Variants in ELP4 observed in about 807,000 individuals in gnomAD.
ELP4 encodes the protein elongator complex protein 4.
A neutral mutation model predicts 48.9 loss-of-function variants in ELP4; 51 were observed. The observed-to-expected ratio is 1.04, with a 90% confidence interval of 0.83 to 1.32. The LOEUF is 1.32. Among genes scored for constraint, ELP4 ranks in the 40% most tolerant of loss-of-function variants. The pLI, the probability that ELP4 is intolerant of heterozygous loss-of-function variation, is 0.00. For missense variants in ELP4, 519 were observed against 514.6 expected, an observed-to-expected ratio of 1.01 and a Z score of -0.08; for synonymous variants, 210 against 189.2, an observed-to-expected ratio of 1.11 and a Z score of -0.90.
At chr11:31,754,072 C>T (rs886209160) in intron 9 of ELP4, among the ~76,000 whole-genome samples, 1 of 152,156 alleles carries the variant, frequency 6.6e-6, no homozygotes, top group African/African-American at 2.4e-5. Flanking sequence ...TAAATACACA[C>T]ATGCCCCAAA....
intron 9 of ELP4, among the ~76,000 whole-genome samples, chr11:31,743,220 A>C (rs1240349651): frequency 6.6e-6 from 1 of 152,216 alleles, no homozygotes; most frequent in Non-Finnish European, 1.5e-5. Context: ...ATATGTTCCC[A>C]ATACAGGAGC....
chr11:31,615,405 A>G (rs1396811913), intron 5 of ELP4, among the ~76,000 whole-genome samples: 1 of 152,092 alleles, frequency 6.6e-6, no homozygotes, highest in Non-Finnish European at 1.5e-5. Context: ...AAGAGATAGC[A>G]CTTAGCATAC....
chr11:31,568,845 GA>G (rs141551134), intron 3 of ELP4, among the ~76,000 whole-genome samples: 4,026 of 152,244 alleles, frequency 0.026, 168 homozygotes, highest in African/African-American at 0.091. Context: ...AACACTTTGG[GA>G]GGCTGAGGCA....
intron 9 of ELP4, among the ~76,000 whole-genome samples, chr11:31,686,506 A>G (rs74819888): frequency 0.021 from 3,146 of 152,244 alleles, 105 homozygotes; most frequent in African/African-American, 0.072. Flanking sequence ...CCAGCTCACA[A>G]TTTTGGATTC....
chr11:31,667,817 A>G (rs926235993), intron 9 of ELP4, among the ~76,000 whole-genome samples: 2 of 152,192 alleles, frequency 1.3e-5, no homozygotes, highest in African/African-American at 4.8e-5. Flanking sequence ...TCTAACTTAT[A>G]CACTGACTCG....
chr11:31,549,297 A>G (rs1296388333), intron 3 of ELP4, among the ~76,000 whole-genome samples: 4 of 152,080 alleles, frequency 2.6e-5, no homozygotes, highest in Non-Finnish European at 4.4e-5. Context: ...CAAGAAAAAA[A>G]CAAATAACCC....
intron 3 of ELP4, among the ~76,000 whole-genome samples, chr11:31,586,807 T>C (rs1565067493): frequency 6.6e-6 from 1 of 152,050 alleles, no homozygotes; most frequent in Non-Finnish European, 1.5e-5. Context: ...CACGCCCGGC[T>C]AATTTTGTAT....
At chr11:31,770,099 G>A (rs982355682) in intron 9 of ELP4, among the ~76,000 whole-genome samples, 4 of 152,118 alleles carry the variant, frequency 2.6e-5, no homozygotes, top group Admixed American at 2.6e-4. Context: ...CACTAGATCT[G>A]AAGCATCTCT....
At chr11:31,542,399 G>C (rs1389666580) in intron 3 of ELP4, among the ~76,000 whole-genome samples, 2 of 152,198 alleles carry the variant, frequency 1.3e-5, no homozygotes, top group East Asian at 1.9e-4. Context: ...CTTCAGATGA[G>C]TGCTCACCTG....
At chr11:31,703,892 T>A (rs1372652882) in intron 9 of ELP4, among the ~76,000 whole-genome samples, 1 of 152,220 alleles carries the variant, frequency 6.6e-6, no homozygotes, top group Non-Finnish European at 1.5e-5. Context: ...CATTTGAAAC[T>A]GGTAAACATT....
At chr11:31,698,104 T>C (rs1946448708) in intron 9 of ELP4, among the ~76,000 whole-genome samples, 2 of 152,210 alleles carry the variant, frequency 1.3e-5, no homozygotes, top group African/African-American at 4.8e-5. Flanking sequence ...TTGCATACTG[T>C]TGTTTAACCT....
chr11:31,545,464 C>T (rs1175994254), intron 3 of ELP4, among the ~76,000 whole-genome samples: 1 of 152,002 alleles, frequency 6.6e-6, no homozygotes, highest in African/African-American at 2.4e-5. Flanking sequence ...AACAAAGCCT[C>T]CAAGAAATAT....
At chr11:31,550,018 G>A (rs938260447) in intron 3 of ELP4, among the ~76,000 whole-genome samples, 2 of 152,074 alleles carry the variant, frequency 1.3e-5, no homozygotes, top group Non-Finnish European at 2.9e-5. Flanking sequence ...ATAGCATTGG[G>A]AGATATACCT....
chr11:31,618,511 G>C (rs1240765251), intron 5 of ELP4, among the ~76,000 whole-genome samples: 1 of 152,086 alleles, frequency 6.6e-6, no homozygotes, highest in African/African-American at 2.4e-5. Context: ...TCCTGCCCAT[G>C]ATGGTGGAGC....
At chr11:31,753,827 A>G (rs1025174320) in intron 9 of ELP4, among the ~76,000 whole-genome samples, 6 of 152,196 alleles carry the variant, frequency 3.9e-5, no homozygotes, top group African/African-American at 1.4e-4. Context: ...GTATATACAT[A>G]TATCTAGTAG....
chr11:31,562,151 G>A lies in ELP4; in HGVS notation c.381+22368G>A, dbSNP rs777507957. Among the ~76,000 whole-genome samples, 79 of 152,136 alleles carry A rather than the reference G, an allele frequency of 5.2e-4. 1 individual carries two copies. Among genetic ancestry groups the A allele is most frequent in the Non-Finnish European group, 7.4e-5 (5 of 68,022 alleles). Reference sequence around the variant, plus strand: ...CACTACCAGATTGGGATAGAACCCAGGGATTAATTACATACGGAAATTGTT... The same window carrying A: ...CACTACCAGATTGGGATAGAACCCAAGGATTAATTACATACGGAAATTGTT... On this transcript the variant is annotated intron_variant, in intron 3 of 9. Coordinates refer to ENST00000640961, the MANE Select transcript of ELP4 (RefSeq NM_019040.5).
chr11:31,790,078 ATACAAATTTATAGGTTTAC>A lies in ELP4; in HGVS notation c.*6555_*6573del. On this transcript the variant is annotated 3_prime_UTR_variant, in exon 10 of 10. Coordinates refer to ENST00000640961, the MANE Select transcript of ELP4 (RefSeq NM_019040.5). Reference sequence around the variant, plus strand: ...ATTCCCTTTGAGAAACAGACATGGAATACAAATTTATAGGTTTACAAAAAAAAAAAAAAAAAAAAAAACT... The same window carrying A: ...ATTCCCTTTGAGAAACAGACATGGAAAAAAAAAAAAAAAAAAAAAAAAACT... 1 of 874,216 alleles carries A rather than the reference ATACAAATTTATAGGTTTAC, an allele frequency of 1.1e-6. No individual in the cohort carries two copies. Among genetic ancestry groups the A allele is most frequent in the South Asian group, 1.5e-5 (1 of 66,128 alleles). The allele number at this position is 874,216 out of a possible 1,614,324, so 54.2% of individuals were successfully genotyped here.
rs536674034 is a variant in ELP4 at position 31,571,077 on chromosome 11, C to T, written c.382-23693C>T. ...CCTCCCAAAGTGCTGGGATTTCAGGCGTAAGCCACCGTGCCCAGCCCATGC... is the reference window on the plus strand; with the variant it reads ...CCTCCCAAAGTGCTGGGATTTCAGGTGTAAGCCACCGTGCCCAGCCCATGC... On this transcript the variant is annotated intron_variant, in intron 3 of 9. Transcript: ENST00000640961. Among the ~76,000 whole-genome samples, 43 of 152,240 alleles carry T rather than the reference C, an allele frequency of 2.8e-4. No individual in the cohort carries two copies. In the South Asian group the frequency reaches 3.9e-3, roughly 14 times the overall value.
At chr11:31,642,939 A>G (rs1352618608) in intron 7 of ELP4, among the ~76,000 whole-genome samples, 9 of 151,816 alleles carry the variant, frequency 5.9e-5, no homozygotes, top group Admixed American at 2.0e-4. Flanking sequence ...GGAAAAATAA[A>G]TGTCTTATTA....
Sources: allele counts gnomAD v4.1 joint callset (sites outside exome capture counted in the v4.1 genomes callset), GRCh38; gene constraint gnomAD v4.1.1; transcripts MANE v1.5; gene names NCBI Gene and HGNC (gene_info 2026-07-23, HGNC 2026-07-21).